Variants in DGKB observed in about 807,000 individuals in gnomAD.
The protein encoded by DGKB is 90 kDa diacylglycerol kinase.
DGKB carries 67 observed loss-of-function variants against 114.3 expected under a neutral mutation model. That is an observed-to-expected ratio of 0.59 (90% CI 0.48 to 0.72). The LOEUF (loss-of-function observed/expected upper bound fraction) is 0.72, where lower values mean the gene tolerates loss of function less well. DGKB is among the 30% of genes least tolerant of loss of function. The pLI is 0.00. For missense variants in DGKB, 907 were observed against 975.2 expected, an observed-to-expected ratio of 0.93 and a Z score of 0.93; for synonymous variants, 398 against 323.1, an observed-to-expected ratio of 1.23 and a Z score of -2.49.
intron 22 of DGKB, among the ~76,000 whole-genome samples, chr7:14,344,867 T>C (rs1169622500): frequency 6.6e-6 from 1 of 151,624 alleles, no homozygotes; most frequent in Non-Finnish European, 1.5e-5. Flanking sequence ...GGGAATGGAA[T>C]GGAAAAGTAT....
intron 17 of DGKB, among the ~76,000 whole-genome samples, chr7:14,602,454 G>A (rs978831871): frequency 7.9e-5 from 12 of 152,172 alleles, no homozygotes; most frequent in African/African-American, 2.9e-4. Flanking sequence ...TAAAATTAGT[G>A]CCCAAAGCAA....
intron 1 of DGKB, among the ~76,000 whole-genome samples, chr7:14,969,779 T>C (rs1424977103): frequency 6.6e-6 from 1 of 152,152 alleles, no homozygotes; most frequent in Non-Finnish European, 1.5e-5. Context: ...AGCTAAATGT[T>C]ATAGCCTATT....
intron 21 of DGKB, among the ~76,000 whole-genome samples, chr7:14,397,121 G>T (rs1441018594): frequency 1.3e-5 from 2 of 151,966 alleles, no homozygotes. Flanking sequence ...ATGTTTTCTC[G>T]CAATTTTACA....
At chr7:14,385,488 C>G (rs1259425142) in intron 21 of DGKB, among the ~76,000 whole-genome samples, 2 of 152,104 alleles carry the variant, frequency 1.3e-5, no homozygotes, top group Non-Finnish European at 2.9e-5. Context: ...CATACATGGT[C>G]CTCAGACATG....
chr7:14,578,013 C>A (rs1799414735), intron 19 of DGKB, among the ~76,000 whole-genome samples: 1 of 152,054 alleles, frequency 6.6e-6, no homozygotes, highest in Admixed American at 6.6e-5. Flanking sequence ...CCCCATAATC[C>A]CCACGTGTCA....
At chr7:14,221,533 G>A (rs1340125198) in intron 23 of DGKB, among the ~76,000 whole-genome samples, 1 of 151,300 alleles carries the variant, frequency 6.6e-6, no homozygotes, top group Non-Finnish European at 1.5e-5. Flanking sequence ...ATTTGTTCAT[G>A]TTGTATAATT....
intron 3 of DGKB, among the ~76,000 whole-genome samples, chr7:14,757,041 C>T (rs1834974792): frequency 6.6e-6 from 1 of 151,950 alleles, no homozygotes; most frequent in Non-Finnish European, 1.5e-5. Flanking sequence ...ATAAGAAAAT[C>T]TTAAAGAAAT....
In DGKB at chr7:14,282,478, T is replaced by C. The variant is rs1295192837; in HGVS notation, c.2122+56037A>G. ...TTCCTTCTGAAACTATTCCAATCAATAGAAAAAGAGGGAATCCTCCCTCAC... is the reference window on the plus strand; with the variant it reads ...TTCCTTCTGAAACTATTCCAATCAACAGAAAAAGAGGGAATCCTCCCTCAC... On this transcript the variant is annotated intron_variant, in intron 23 of 25. Transcript: ENST00000402815. 3.3e-5 allele frequency among the ~76,000 whole-genome samples: 5 copies of C among 151,224 alleles called. No homozygotes were observed. The South Asian group carries it at 6.3e-4, about 19-fold the overall frequency.
At chr7:14,332,405 G>A (rs1341127859) in intron 23 of DGKB, among the ~76,000 whole-genome samples, 1 of 151,574 alleles carries the variant, frequency 6.6e-6, no homozygotes, top group African/African-American at 2.4e-5. Context: ...ATGTGTAGGA[G>A]TGATTAAGCT....
In DGKB at chr7:14,620,224, T is replaced by A. The variant is rs1372205825; in HGVS notation, c.1284+1154A>T. ...AAATTTTCTGTTCTCTAATATATAA[T>A]AATTTTATTATTCAGAATTCCCTCC... On this transcript the variant is annotated intron_variant, in intron 15 of 25. Transcript: ENST00000402815. Among the ~76,000 whole-genome samples, 2 of 151,320 alleles carry A rather than the reference T, an allele frequency of 1.3e-5. 1 individual carries two copies. Among genetic ancestry groups the A allele is most frequent in the Admixed American group, 1.3e-4 (2 of 15,150 alleles).
intron 25 of DGKB, among the ~76,000 whole-genome samples, chr7:14,171,089 C>T (rs1304519262): frequency 6.6e-6 from 1 of 152,088 alleles, no homozygotes; most frequent in African/African-American, 2.4e-5. Flanking sequence ...TGGTCCCGCA[C>T]CAGGTCAGGG....
intron 1 of DGKB, among the ~76,000 whole-genome samples, chr7:14,849,210 T>C (rs1211603088): frequency 2.0e-5 from 3 of 152,058 alleles, no homozygotes; most frequent in African/African-American, 7.2e-5. Context: ...AGGCAACTTA[T>C]TGAACATCCT....
chr7:14,480,857 T>C (rs1207254250), intron 20 of DGKB, among the ~76,000 whole-genome samples: 3 of 152,148 alleles, frequency 2.0e-5, no homozygotes, highest in Non-Finnish European at 4.4e-5. Flanking sequence ...CAGTATTCTA[T>C]ATAGCTCATA....
chr7:14,676,282 A>T (rs576169030), intron 12 of DGKB, among the ~76,000 whole-genome samples: 1 of 152,116 alleles, frequency 6.6e-6, no homozygotes, highest in Non-Finnish European at 1.5e-5. Context: ...TTGGATATAA[A>T]TGCCTTTCTG....
intron 17 of DGKB, among the ~76,000 whole-genome samples, chr7:14,600,483 A>C (rs545979109): frequency 6.6e-6 from 1 of 152,192 alleles, no homozygotes; most frequent in Non-Finnish European, 1.5e-5. Context: ...AAAAGTCTAA[A>C]GTCCAGAGTC....
Position 14,279,299 on chromosome 7 carries a change from G to A in DGKB, c.2122+59216C>T, listed in dbSNP as rs573401031. On this transcript the variant is annotated intron_variant, in intron 23 of 25. Coordinates refer to ENST00000402815, the MANE Select transcript of DGKB (RefSeq NM_001350709.2). ...TCAAACTGCAAGGCGGCAGCCAGGC[G>A]GGGGGAGGGGCGCCCACCATTGCCC... Among the ~76,000 whole-genome samples the A allele has an allele frequency of 1.1e-4, 17 of 152,236 alleles. No homozygotes were observed. The East Asian group carries it at 1.7e-3, about 16-fold the overall frequency.
chr7:14,670,182 C>A (rs1181288235), intron 13 of DGKB, among the ~76,000 whole-genome samples: 3 of 151,854 alleles, frequency 2.0e-5, no homozygotes, highest in African/African-American at 7.3e-5. Context: ...ATAACCATCT[C>A]CTCACATCTC....
chr7:14,905,239 T>A (rs1783628823), upstream of DGKB, among the ~76,000 whole-genome samples: 1 of 93,330 alleles, frequency 1.1e-5, no homozygotes, highest in African/African-American at 4.1e-5. Context: ...ACATCCATCT[T>A]GTTAGTTTTT....
At position 14,201,010 on chromosome 7, in the gene DGKB, G is replaced by T. The variant is rs1426937591; in HGVS notation, c.2123-22859C>A. On this transcript the variant is annotated intron_variant, in intron 23 of 25. Transcript: ENST00000402815. ...TTTTATAAAGGACATTTAGGGAGTTGTGGAAGATGGTTTCTTCATTCATTT... is the reference window on the plus strand; with the variant it reads ...TTTTATAAAGGACATTTAGGGAGTTTTGGAAGATGGTTTCTTCATTCATTT... Among the ~76,000 whole-genome samples the T allele has an allele frequency of 4.6e-5, 7 of 152,122 alleles. No individual in the cohort carries two copies. The East Asian group carries it at 1.2e-3, about 25-fold the overall frequency.
Sources: gnomAD v4.1 joint callset for allele counts (sites outside exome capture counted in the v4.1 genomes callset) on GRCh38, gnomAD v4.1.1 for gene constraint, MANE v1.5 for transcripts, NCBI Gene and HGNC (gene_info 2026-07-23, HGNC 2026-07-21) for gene names.